The following RAC2 variants were observed in gnomAD, a reference collection of about 807,000 sequenced individuals.
RAC2 encodes Rac family small GTPase 2.
Under a neutral mutation model 24.0 loss-of-function variants are expected in RAC2, and 1 was observed. The observed-to-expected ratio is 0.04, with a 90% confidence interval of 0.01 to 0.20. The LOEUF (loss-of-function observed/expected upper bound fraction) is 0.20. Among genes scored for constraint, RAC2 ranks in the 10% least tolerant of loss-of-function variants. The probability of loss-of-function intolerance (pLI) is 1.00; values close to 1 mark genes in which losing one functional copy is unlikely to be tolerated. For missense variants in RAC2, 130 were observed against 259.1 expected (o/e 0.50, Z 3.42); for synonymous variants, 114 against 106.8 (o/e 1.07, Z -0.41).
At chr22:37,241,705 G>C (rs772523685) in intron 1 of RAC2, 47 bp from the exon 2 acceptor site, 1 of 1,542,420 alleles carries the variant, frequency 6.5e-7, no homozygotes, top group Non-Finnish European at 9.0e-7. Context: ...GGCTCTGCCG[G>C]AGACGTGGGG....
Position 37,231,424 on chromosome 22 carries a change from T to C in RAC2, c.289-34A>G. The C allele has an allele frequency of 6.2e-7, 1 of 1,610,362 alleles. No individual in the cohort carries two copies. Among genetic ancestry groups the C allele is most frequent in the Non-Finnish European group, 8.5e-7 (1 of 1,177,880 alleles). On this transcript the variant is annotated intron_variant, in intron 4 of 6. Transcript: ENST00000249071. This position sits in a 1 kb window ranked among gnomAD's most constrained non-coding sequence, Gnocchi z 5.5. ...GTGGGTGGGGGGACACAAGGTTGTATGGGTCAAGAGGGGGCGCGAGGCTGT... is the reference window on the plus strand; with the variant it reads ...GTGGGTGGGGGGACACAAGGTTGTACGGGTCAAGAGGGGGCGCGAGGCTGT...
chr22:37,229,972 A>T (rs1251731846), intron 5 of RAC2, among the ~76,000 whole-genome samples: 1 of 151,918 alleles, frequency 6.6e-6, no homozygotes, highest in South Asian at 2.1e-4. Context: ...CACAGGCTGG[A>T]GAGCTGCACC....
chr22:37,240,478 C>T (rs999646218), intron 2 of RAC2, among the ~76,000 whole-genome samples: 8 of 152,224 alleles, frequency 5.3e-5, no homozygotes, highest in East Asian at 1.9e-4. Flanking sequence ...TGACATCTTG[C>T]GCAGGGGCCA....
chr22:37,241,043 C>A, intron 2 of RAC2: 1 of 720,348 alleles, frequency 1.4e-6, no homozygotes, highest in Admixed American at 2.0e-5. Context: ...TGAGGGCTGG[C>A]CAGGGAGGGG....
chr22:37,231,314 T>C lies in RAC2; in HGVS notation c.365A>G (p.Asp122Gly). The change falls in exon 5 of 7, where the codon GAC becomes GGC. Residue 122 changes from aspartate to glycine, a missense_variant. Physicochemically the swap from Asp to Gly is moderately conservative, Grantham distance 94. This residue lies in a region of RAC2 where 119 missense variants were observed against 192.1 expected (regional missense o/e 0.62). Transcript: ENST00000249071. The surrounding 1 kb of genome is among the most constrained non-coding windows in gnomAD (Gnocchi z 5.5). ...CTTCAGTTTCTCGATGGTGTCCTTG[T>C]CGTCCCGCAGGTCCAGCTTGGTGCC... ...LVGTKLDLRD[D>G]KDTIEKLKEK... 6.2e-7 allele frequency: 1 copy of C among 1,614,158 alleles called. No homozygotes were observed.
intron 2 of RAC2, among the ~76,000 whole-genome samples, chr22:37,236,265 C>A (rs1332077966): frequency 3.3e-5 from 5 of 152,234 alleles, no homozygotes; most frequent in Non-Finnish European, 5.9e-5. Flanking sequence ...GCCCCTGCCA[C>A]AGGGCCCCTC....
chr22:37,241,195 C>T (rs767737173), intron 2 of RAC2: 3 of 776,436 alleles, frequency 3.9e-6, no homozygotes, highest in Non-Finnish European at 7.2e-6. Flanking sequence ...CACCCCTCAG[C>T]ATGCCTTGTC....
chr22:37,235,757 C>G (rs1287317909), intron 2 of RAC2, among the ~76,000 whole-genome samples: 4 of 152,242 alleles, frequency 2.6e-5, no homozygotes, highest in South Asian at 2.1e-4. Flanking sequence ...CTTGGACACT[C>G]TCTCCTCTAA....
chr22:37,241,917 C>T (rs1368988862), intron 1 of RAC2, among the ~76,000 whole-genome samples: 1 of 152,196 alleles, frequency 6.6e-6, no homozygotes, highest in African/African-American at 2.4e-5. Flanking sequence ...GCTGGCAATC[C>T]GCTTTTCCCA....
Position 37,233,010 on chromosome 22 carries a change from G to C in RAC2, c.108-92C>G, listed in dbSNP as rs908943910. Reference sequence around the variant, plus strand: ...AGCTCCATGTCATTCCTCGGAGGCTGAGACCTAGAGACAGTCTGCGACTGG... The same window carrying C: ...AGCTCCATGTCATTCCTCGGAGGCTCAGACCTAGAGACAGTCTGCGACTGG... On this transcript the variant is annotated intron_variant, in intron 2 of 6. Coordinates refer to ENST00000249071, the MANE Select transcript of RAC2 (RefSeq NM_002872.5). 6.4e-6 allele frequency: 6 copies of C among 940,742 alleles called. No homozygotes were observed. The Admixed American group carries it at 9.1e-5, about 14-fold the overall frequency. The allele number at this position is 940,742 out of a possible 1,614,324, so 58.3% of individuals were successfully genotyped here. A position where few individuals can be genotyped will look rare whatever the true frequency, so the allele number is the denominator to read the frequency against.
intron 2 of RAC2, chr22:37,240,801 A>G (rs1285312769): frequency 5.4e-6 from 3 of 553,720 alleles, no homozygotes; most frequent in Non-Finnish European, 9.8e-6. Context: ...GAGGCTTTAG[A>G]CAGGTGGATG....
At chr22:37,228,046 A>G (rs1377546702) in intron 5 of RAC2, among the ~76,000 whole-genome samples, 1 of 152,126 alleles carries the variant, frequency 6.6e-6, no homozygotes, top group African/African-American at 2.4e-5. Context: ...AGGGTTGCAA[A>G]TAATCCCCAG....
At chr22:37,233,302 A>C (rs1927129872) in intron 2 of RAC2, among the ~76,000 whole-genome samples, 1 of 151,732 alleles carries the variant, frequency 6.6e-6, no homozygotes, top group African/African-American at 2.4e-5. Flanking sequence ...TTGTTTTTTG[A>C]AATGGAATCA....
At chr22:37,226,587 T>C (rs1255393933) in intron 6 of RAC2, 84 bp downstream of exon 6, 1 of 1,555,098 alleles carries the variant, frequency 6.4e-7, no homozygotes, top group Non-Finnish European at 8.8e-7. Context: ...CTGGCCTAAA[T>C]GCCACTCACA....
rs1926816673 is a variant in RAC2, at chr22:37,225,870, C to T, written c.*172G>A. The T allele has an allele frequency of 6.6e-6, 1 of 152,232 alleles. No individual in the cohort carries two copies. Among genetic ancestry groups the T allele is most frequent in the African/African-American group, 2.4e-5 (1 of 41,356 alleles). 9.4% of individuals were successfully genotyped at this position (152,232 alleles called of 1,614,324 possible). A position where few individuals can be genotyped will look rare whatever the true frequency, so the allele number is the denominator to read the frequency against. On this transcript the variant is annotated 3_prime_UTR_variant, in exon 7 of 7. Coordinates refer to ENST00000249071, the MANE Select transcript of RAC2 (RefSeq NM_002872.5). Reference sequence around the variant, plus strand: ...TGCAGCACCTGCAAATTTGCACGTTCCTGGCCTCAGGAGGCCTCCAGTACA... The same window carrying T: ...TGCAGCACCTGCAAATTTGCACGTTTCTGGCCTCAGGAGGCCTCCAGTACA...
intron 5 of RAC2, 23 bp from the exon 6 acceptor site, chr22:37,226,826 G>C: frequency 6.2e-7 from 1 of 1,608,996 alleles, no homozygotes; most frequent in Non-Finnish European, 8.5e-7. Context: ...ATGGACAGGA[G>C]AGCCAAGGCC....
chr22:37,236,329 G>C (rs1927220773), intron 2 of RAC2, among the ~76,000 whole-genome samples: 1 of 152,172 alleles, frequency 6.6e-6, no homozygotes, highest in South Asian at 2.1e-4. Context: ...TGACACCCCT[G>C]AGGGTCCCCC....
intron 2 of RAC2, among the ~76,000 whole-genome samples, chr22:37,234,557 C>T (rs55970640): frequency 0.12 from 17,873 of 152,162 alleles, 1,454 homozygotes; most frequent in Middle Eastern, 0.17. Flanking sequence ...TGGTCCCCCA[C>T]ACAGGCCCTG....
At chr22:37,243,945 C>A (rs1927482313) in intron 1 of RAC2, among the ~76,000 whole-genome samples, 169 bp downstream of exon 1, 2 of 152,156 alleles carry the variant, frequency 1.3e-5, no homozygotes, top group South Asian at 2.1e-4. Context: ...CCCCTCAGCC[C>A]ACCCCCGGGT....
Sources: allele counts gnomAD v4.1 joint callset (sites outside exome capture counted in the v4.1 genomes callset), GRCh38; gene constraint gnomAD v4.1.1; regional missense constraint gnomAD v4.1.1; non-coding constraint Gnocchi (gnomAD v3.1); transcripts MANE v1.5; gene names NCBI Gene and HGNC (gene_info 2026-07-23, HGNC 2026-07-21).